Variants in SDC1 observed in about 807,000 individuals in gnomAD.
The protein encoded by SDC1 is syndecan 1.
In SDC1, 14 loss-of-function variants were observed where a neutral mutation model predicts 29.7. The ratio of observed to expected loss-of-function variants is 0.47; its 90% CI spans 0.31 to 0.74. SDC1 has a LOEUF of 0.74. Among genes scored for constraint, SDC1 ranks in the 30% least tolerant of loss-of-function variants. SDC1 has a pLI of 0.05. For synonymous variants in SDC1, 204 were observed against 175.5 expected (o/e 1.16, Z -1.29); for missense variants, 406 against 400.3 (o/e 1.01, Z -0.12).
rs750850182 is a variant in SDC1, at chr2:20,224,685, C to A, written c.66+117G>T. ...ACCGTCCCGGGACCCGCTGGGCTAG[C>A]GCGGGAAGAAGGGAAGTCTTCGCTC... On this transcript the variant is annotated intron_variant, in intron 1 of 4. Transcript: ENST00000254351. This position sits in a 1 kb window ranked among gnomAD's most constrained non-coding sequence, Gnocchi z 4.9. 796 of 1,148,190 alleles carry A rather than the reference C, an allele frequency of 6.9e-4. No individual in the cohort carries two copies. The highest frequency in any genetic ancestry group is 8.2e-4 in the Non-Finnish European group (753 of 921,176). The allele number at this position is 1,148,190 out of a possible 1,614,324, so 71.1% of individuals were successfully genotyped here. A position where few individuals can be genotyped will look rare whatever the true frequency, so the allele number is the denominator to read the frequency against.
At chr2:20,219,351 C>A (rs1106111) in intron 1 of SDC1, among the ~76,000 whole-genome samples, 1 of 151,970 alleles carries the variant, frequency 6.6e-6, no homozygotes, top group African/African-American at 2.4e-5. Flanking sequence ...TTCCTGAGGG[C>A]GGGCAAAAGC....
rs755319295 is a variant in SDC1 at position 20,202,247 on chromosome 2, CAT to C, written c.*517_*518del. Reference sequence around the variant, plus strand: ...GCTATGAACAAAGAACTAGAGGAAACATGTGCAAAAACAAGTCGATATCTAGA... The same window carrying C: ...GCTATGAACAAAGAACTAGAGGAAACGTGCAAAAACAAGTCGATATCTAGA... On this transcript the variant is annotated 3_prime_UTR_variant, in exon 5 of 5. Transcript: ENST00000254351. 91 of 778,554 alleles carry C rather than the reference CAT, an allele frequency of 1.2e-4. No homozygotes were observed. Among genetic ancestry groups the C allele is most frequent in the Admixed American group, 1.5e-4 (9 of 58,910 alleles). 48.2% of individuals were successfully genotyped at this position (778,554 alleles called of 1,614,324 possible). A position where few individuals can be genotyped will look rare whatever the true frequency, so the allele number is the denominator to read the frequency against.
chr2:20,222,951 G>A lies in SDC1; in HGVS notation c.66+1851C>T, dbSNP rs1677867762. Among the ~76,000 whole-genome samples, 3 of 152,300 alleles carry A rather than the reference G, an allele frequency of 2.0e-5. No individual in the cohort carries two copies. The South Asian group carries it at 6.2e-4, about 32-fold the overall frequency. On this transcript the variant is annotated intron_variant, in intron 1 of 4. Transcript: ENST00000254351. ...AGTGAGGTGATGCCCAGCGGTCCAG[G>A]GAGGTAAGGCACCCAGCTCCATTCT...
At chr2:20,216,746 T>C (rs1677636426) in intron 1 of SDC1, among the ~76,000 whole-genome samples, 1 of 152,164 alleles carries the variant, frequency 6.6e-6, no homozygotes, top group East Asian at 1.9e-4. Flanking sequence ...ACCCAGTTCA[T>C]GACAAATGCC....
intron 1 of SDC1, among the ~76,000 whole-genome samples, chr2:20,216,870 T>G (rs1461064018): frequency 6.6e-6 from 1 of 152,234 alleles, no homozygotes; most frequent in Non-Finnish European, 1.5e-5. Context: ...GCCAGAGTTC[T>G]GTCTCTCAGC....
chr2:20,220,868 G>A (rs1351029920), intron 1 of SDC1, among the ~76,000 whole-genome samples: 5 of 152,212 alleles, frequency 3.3e-5, no homozygotes, highest in African/African-American at 1.2e-4. Flanking sequence ...AACATGTGGT[G>A]AAGAGTTGGG....
At chr2:20,215,484 T>A (rs1393308600) in intron 1 of SDC1, among the ~76,000 whole-genome samples, 1 of 152,212 alleles carries the variant, frequency 6.6e-6, no homozygotes, top group Admixed American at 6.5e-5. Flanking sequence ...CCTGTTAACG[T>A]CAGCAGCACT....
At chr2:20,212,812 C>T (rs1051093459) in intron 1 of SDC1, among the ~76,000 whole-genome samples, 1 of 152,136 alleles carries the variant, frequency 6.6e-6, no homozygotes, top group Non-Finnish European at 1.5e-5. Flanking sequence ...CTCTGGACGG[C>T]ACCCCCAAGC....
intron 1 of SDC1, among the ~76,000 whole-genome samples, chr2:20,213,813 T>C (rs748034155): frequency 3.9e-5 from 6 of 152,240 alleles, no homozygotes; most frequent in Non-Finnish European, 7.3e-5. Flanking sequence ...CTAAATAAAG[T>C]GTCCTCAAGT....
rs1356111701 is a variant in SDC1, at chr2:20,224,726, G to A, written c.66+76C>T. On this transcript the variant is annotated intron_variant, in intron 1 of 4. Coordinates refer to ENST00000254351, the MANE Select transcript of SDC1 (RefSeq NM_002997.5). This position sits in a 1 kb window ranked among gnomAD's most constrained non-coding sequence, Gnocchi z 4.9. ...GTCTTCGCTCCCCCTCCCCCTCCACGTGCACCCGCCGGCATCCGCGGGTGA... is the reference window on the plus strand; with the variant it reads ...GTCTTCGCTCCCCCTCCCCCTCCACATGCACCCGCCGGCATCCGCGGGTGA... The A allele has an allele frequency of 1.1e-5, 13 of 1,236,260 alleles. No homozygotes were observed. The Admixed American group carries it at 4.4e-4, about 42-fold the overall frequency. 76.6% of individuals were successfully genotyped at this position (1,236,260 alleles called of 1,614,324 possible). A position where few individuals can be genotyped will look rare whatever the true frequency, so the allele number is the denominator to read the frequency against.
rs1185707422 is a variant in SDC1, at chr2:20,203,934, C to T, written c.506G>A (p.Gly169Glu). Residue 169 changes from glycine (G) to glutamate (E), a missense_variant, in exon 3 of 5, where the codon GGA becomes GAA. Gly to Glu is a moderately conservative substitution (Grantham distance 98). Transcript: ENST00000254351. ...PGHHETSTPA[G>E]PSQADLHTPH... ...AGTGTGAAGGTCAGCTTGGCTGGGT[C>T]CTGCAGGGGTTGAGGTCTCATGGTG... is the stretch of plus-strand genomic sequence containing the variant. 1.3e-5 allele frequency: 21 copies of T among 1,613,882 alleles called. No individual in the cohort carries two copies. The highest frequency in any genetic ancestry group is 1.8e-5 in the Non-Finnish European group (21 of 1,180,008).
At position 20,224,085 on chromosome 2, in the gene SDC1, C is replaced by G. The variant is rs1035111287; in HGVS notation, c.66+717G>C. 2 of 349,944 alleles carry G rather than the reference C, an allele frequency of 5.7e-6. No homozygotes were observed. Among genetic ancestry groups the G allele is most frequent in the Non-Finnish European group, 1.2e-5 (2 of 170,838 alleles). 21.7% of individuals were successfully genotyped at this position (349,944 alleles called of 1,614,324 possible). On this transcript the variant is annotated intron_variant, in intron 1 of 4. Transcript: ENST00000254351. The surrounding 1 kb of genome is among the most constrained non-coding windows in gnomAD (Gnocchi z 4.9). Reference sequence around the variant, plus strand: ...GTGCCCGGCACGGGAACGCGCCCTCCGGGGCCAGCTCAACTTCAGCAGCCC... The same window carrying G: ...GTGCCCGGCACGGGAACGCGCCCTCGGGGGCCAGCTCAACTTCAGCAGCCC...
At chr2:20,211,500 C>T (rs1047784440) in intron 1 of SDC1, among the ~76,000 whole-genome samples, 5 of 152,256 alleles carry the variant, frequency 3.3e-5, no homozygotes, top group East Asian at 1.9e-4. Flanking sequence ...GCCTCCCTCC[C>T]CCAGGAGCTG....
rs925193774 is a variant in SDC1 at position 20,202,750 on chromosome 2, G to A, written c.*16C>T. On this transcript the variant is annotated 3_prime_UTR_variant, in exon 5 of 5. Transcript: ENST00000254351. ...CCTAGTGAGTGGCAGGGCGGAGGGG[G>A]CGCATGGCTCCCGCGTCAGGCATAG... is the stretch of plus-strand genomic sequence containing the variant. The A allele has an allele frequency of 2.7e-5, 42 of 1,581,820 alleles. No homozygotes were observed. Among genetic ancestry groups the A allele is most frequent in the Non-Finnish European group, 3.5e-5 (41 of 1,162,392 alleles).
At chr2:20,213,265 C>A (rs1303070057) in intron 1 of SDC1, among the ~76,000 whole-genome samples, 2 of 152,218 alleles carry the variant, frequency 1.3e-5, no homozygotes, top group African/African-American at 4.8e-5. Context: ...AGACCAGTTC[C>A]TCTGCTTTCC....
chr2:20,213,568 A>T (rs3732164), intron 1 of SDC1, among the ~76,000 whole-genome samples: 44,704 of 152,098 alleles, frequency 0.29, 6,893 homozygotes, highest in Middle Eastern at 0.38. Flanking sequence ...CTGGCACCCT[A>T]TGGGGACAGA....
At position 20,202,565 on chromosome 2, in the gene SDC1, C is replaced by T. The variant is rs1677054607; in HGVS notation, c.*201G>A. On this transcript the variant is annotated 3_prime_UTR_variant, in exon 5 of 5. Transcript: ENST00000254351. Reference sequence around the variant, plus strand: ...TCCTATGCGAGAAACCCCTGGTGCCCTAAGTCTCCAGGCAGAAGTCAGAGA... The same window carrying T: ...TCCTATGCGAGAAACCCCTGGTGCCTTAAGTCTCCAGGCAGAAGTCAGAGA... 2 of 623,434 alleles carry T rather than the reference C, an allele frequency of 3.2e-6. No homozygotes were observed. The highest frequency in any genetic ancestry group is 5.7e-6 in the Non-Finnish European group (2 of 353,304). 38.6% of individuals were successfully genotyped at this position (623,434 alleles called of 1,614,324 possible).
At position 20,224,768 on chromosome 2, in the gene SDC1, GCCGCCTCC is replaced by G. The variant is rs1677937238; in HGVS notation, c.66+26_66+33del. The G allele has an allele frequency of 7.7e-7, 1 of 1,298,968 alleles. No homozygotes were observed. Among genetic ancestry groups the G allele is most frequent in the African/African-American group, 1.6e-5 (1 of 64,480 alleles). The allele number at this position is 1,298,968 out of a possible 1,614,324, so 80.5% of individuals were successfully genotyped here. A position where few individuals can be genotyped will look rare whatever the true frequency, so the allele number is the denominator to read the frequency against. On this transcript the variant is annotated intron_variant, in intron 1 of 4. Transcript: ENST00000254351. The surrounding 1 kb of genome is among the most constrained non-coding windows in gnomAD (Gnocchi z 4.9). ...CGCGGGTGACCAGTCCCGGCTTCCCGCCGCCTCCCCGCCTGGCCGCCGGCCGCACTCAC... is the reference window on the plus strand; with the variant it reads ...CGCGGGTGACCAGTCCCGGCTTCCCGCCGCCTGGCCGCCGGCCGCACTCAC...
intron 1 of SDC1, among the ~76,000 whole-genome samples, chr2:20,213,081 G>A (rs1677521750): frequency 6.6e-6 from 1 of 152,104 alleles, no homozygotes; most frequent in South Asian, 2.1e-4. Flanking sequence ...ATTGAAGGAG[G>A]AGGGATCCTG....
Sources: allele counts gnomAD v4.1 joint callset (sites outside exome capture counted in the v4.1 genomes callset), GRCh38; gene constraint gnomAD v4.1.1; non-coding constraint Gnocchi (gnomAD v3.1); transcripts MANE v1.5; gene names NCBI Gene and HGNC (gene_info 2026-07-23, HGNC 2026-07-21).